Variants in TRABD2B observed in about 807,000 individuals in gnomAD.
The protein encoded by TRABD2B is metalloprotease TIKI2.
TRABD2B carries 14 observed loss-of-function variants against 40.1 expected under a neutral mutation model. The observed-to-expected ratio is 0.35, with a 90% CI of 0.23 to 0.55. The LOEUF is 0.55. TRABD2B is among the 20% of genes least tolerant of loss of function. The pLI is 0.90. For synonymous variants in TRABD2B, 263 were observed against 277.0 expected, an observed-to-expected ratio of 0.95 and a Z score of 0.50; for missense variants, 541 against 648.6, an observed-to-expected ratio of 0.83 and a Z score of 1.80.
chr1:47,895,091 G>A (rs1644498727), intron 2 of TRABD2B, among the ~76,000 whole-genome samples: 1 of 152,160 alleles, frequency 6.6e-6, no homozygotes, highest in East Asian at 1.9e-4. Context: ...ATCATATCCT[G>A]CGGCCCCTGC....
At chr1:47,891,739 C>T (rs1409643636) in intron 2 of TRABD2B, among the ~76,000 whole-genome samples, 1 of 151,956 alleles carries the variant, frequency 6.6e-6, no homozygotes, top group African/African-American at 2.4e-5. Flanking sequence ...GAGGTTGAGG[C>T]TACAGTGCAC....
At chr1:47,975,400 G>T (rs1322908936) in intron 2 of TRABD2B, among the ~76,000 whole-genome samples, 3 of 152,146 alleles carry the variant, frequency 2.0e-5, no homozygotes, top group East Asian at 3.9e-4. Context: ...TGAGCACAGG[G>T]TTTAGCATGA....
chr1:47,949,441 T>C (rs1645309419), intron 2 of TRABD2B, among the ~76,000 whole-genome samples: 1 of 127,934 alleles, frequency 7.8e-6, no homozygotes, highest in African/African-American at 2.8e-5. Context: ...AGGGTCTCAC[T>C]CTGTCACCCA....
At chr1:47,808,766 C>T (rs1644924744) in intron 2 of TRABD2B, among the ~76,000 whole-genome samples, 1 of 152,132 alleles carries the variant, frequency 6.6e-6, no homozygotes. Context: ...GCTGGCAGGT[C>T]TGGGTTCTTT....
chr1:47,980,322 G>C (rs1315851234), intron 2 of TRABD2B, among the ~76,000 whole-genome samples: 1 of 152,194 alleles, frequency 6.6e-6, no homozygotes, highest in Non-Finnish European at 1.5e-5. Context: ...TACTCACAAG[G>C]AGGTGAGGCC....
At chr1:47,798,910 T>C (rs969979274) in intron 3 of TRABD2B, among the ~76,000 whole-genome samples, 1 of 152,212 alleles carries the variant, frequency 6.6e-6, no homozygotes, top group Non-Finnish European at 1.5e-5. Context: ...CAGGCTTTTC[T>C]GCACCTTGGG....
At chr1:47,924,319 A>G (rs890148697) in intron 2 of TRABD2B, among the ~76,000 whole-genome samples, 3 of 152,202 alleles carry the variant, frequency 2.0e-5, no homozygotes, top group Non-Finnish European at 4.4e-5. Context: ...CAGGCAGATC[A>G]AAGCAGAACA....
intron 2 of TRABD2B, among the ~76,000 whole-genome samples, chr1:47,839,485 A>G (rs953593595): frequency 2.0e-5 from 3 of 152,094 alleles, no homozygotes; most frequent in African/African-American, 7.2e-5. Context: ...AGCTGACACT[A>G]CCTGGCTTCA....
chr1:47,839,705 C>T (rs1645369320), intron 2 of TRABD2B, among the ~76,000 whole-genome samples: 1 of 152,212 alleles, frequency 6.6e-6, no homozygotes, highest in Admixed American at 6.5e-5. Context: ...CTTTGGGCAA[C>T]ACTGACAGTG....
chr1:47,893,322 G>T (rs1644475186), intron 2 of TRABD2B, among the ~76,000 whole-genome samples: 1 of 152,208 alleles, frequency 6.6e-6, no homozygotes, highest in Admixed American at 6.5e-5. Flanking sequence ...GGGACAGAGT[G>T]CATTCACAGA....
intron 2 of TRABD2B, among the ~76,000 whole-genome samples, chr1:47,940,875 G>A (rs909597877): frequency 2.0e-4 from 31 of 152,194 alleles, no homozygotes; most frequent in Non-Finnish European, 4.4e-5. Context: ...CCATAATGGC[G>A]TATTTTCCAG....
intron 2 of TRABD2B, among the ~76,000 whole-genome samples, chr1:47,828,045 C>G (rs923396066): frequency 1.3e-5 from 2 of 152,178 alleles, no homozygotes; most frequent in African/African-American, 2.4e-5. Context: ...CAGTTTCCTC[C>G]TGTTAACTGG....
At chr1:47,950,067 CGAGG>C in intron 2 of TRABD2B, among the ~76,000 whole-genome samples, 1 of 152,008 alleles carries the variant, frequency 6.6e-6, no homozygotes, top group Non-Finnish European at 1.5e-5. Flanking sequence ...AGACGGATCA[CGAGG>C]TCAGGAGATC....
At chr1:47,981,548 C>G (rs1645841241) in intron 2 of TRABD2B, among the ~76,000 whole-genome samples, 1 of 152,156 alleles carries the variant, frequency 6.6e-6, no homozygotes, top group Admixed American at 6.5e-5. Flanking sequence ...ATTCCTGGCA[C>G]TCTGCAGTGA....
At chr1:47,801,698 T>C (rs1431391846) in intron 2 of TRABD2B, 79 bp from the exon 3 acceptor site, 23 of 1,466,956 alleles carry the variant, frequency 1.6e-5, no homozygotes, top group East Asian at 2.5e-5. Context: ...CTCCTCCCTC[T>C]GGACTTCAGA....
intron 6 of TRABD2B, among the ~76,000 whole-genome samples, chr1:47,771,126 C>T (rs1387634975): frequency 6.6e-6 from 1 of 152,176 alleles, no homozygotes; most frequent in African/African-American, 2.4e-5. Context: ...CCTGTCCTCA[C>T]CTGGAGACTC....
At chr1:47,987,238 T>C (rs1645932398) in intron 2 of TRABD2B, among the ~76,000 whole-genome samples, 1 of 152,146 alleles carries the variant, frequency 6.6e-6, no homozygotes, top group South Asian at 2.1e-4. Context: ...ATGAGGGTTC[T>C]TGGAATTCTT....
At chr1:47,990,747 G>C (rs1645989157) in intron 2 of TRABD2B, among the ~76,000 whole-genome samples, 1 of 119,694 alleles carries the variant, frequency 8.4e-6, no homozygotes, top group South Asian at 2.8e-4. Flanking sequence ...TTATATACAA[G>C]TTGTTGGTTT....
chr1:47,880,485 C>T (rs1238085903), intron 2 of TRABD2B, among the ~76,000 whole-genome samples: 1 of 152,128 alleles, frequency 6.6e-6, no homozygotes, highest in Non-Finnish European at 1.5e-5. Context: ...TGTTTTAAGT[C>T]GTTAAGTGTG....
Sources: gnomAD v4.1 joint callset for allele counts (sites outside exome capture counted in the v4.1 genomes callset) on GRCh38, gnomAD v4.1.1 for gene constraint, MANE v1.5 for transcripts, NCBI Gene and HGNC (gene_info 2026-07-23, HGNC 2026-07-21) for gene names.